SGMS1: variants seen among roughly 807,000 people sequenced by gnomAD.
The protein encoded by SGMS1 is phosphatidylcholine:ceramide cholinephosphotransferase 1.
A neutral mutation model predicts 46.2 loss-of-function variants in SGMS1; 13 were observed. The observed-to-expected ratio is 0.28, with a 90% CI of 0.18 to 0.45. The LOEUF (loss-of-function observed/expected upper bound fraction) is 0.45, where lower values mean the gene tolerates loss of function less well. SGMS1 is among the 20% of genes least tolerant of loss of function. The probability of loss-of-function intolerance (pLI) is 1.00; values close to 1 mark genes in which losing one functional copy is unlikely to be tolerated. For synonymous variants in SGMS1, 203 were observed against 187.8 expected (o/e 1.08, Z -0.66); for missense variants, 324 against 519.9 (o/e 0.62, Z 3.66).
chr10:50,362,688 T>C (rs1335441364), intron 6 of SGMS1, among the ~76,000 whole-genome samples: 1 of 152,156 alleles, frequency 6.6e-6, no homozygotes, highest in African/African-American at 2.4e-5. Context: ...TGAGGGAGAT[T>C]TGCCAGGTGT....
At position 50,554,395 on chromosome 10, in the gene SGMS1, C is replaced by T. The variant is rs541438661; in HGVS notation, c.-588-34474G>A. 7.2e-5 allele frequency among the ~76,000 whole-genome samples: 11 copies of T among 152,216 alleles called. 1 individual carries two copies. Among genetic ancestry groups the T allele is most frequent in the South Asian group, 2.1e-4 (1 of 4,810 alleles). On this transcript the variant is annotated intron_variant, in intron 2 of 10. Coordinates refer to ENST00000361781, the MANE Select transcript of SGMS1 (RefSeq NM_147156.4). ...AGCCTAAGCAAATGAAAAATTTAAA[C>T]GTTAGTGATTTTTAAGAAGCACAAC...
intron 6 of SGMS1, among the ~76,000 whole-genome samples, chr10:50,371,594 A>G (rs1181307428): frequency 6.6e-6 from 1 of 152,186 alleles, no homozygotes; most frequent in Non-Finnish European, 1.5e-5. Context: ...CCTACCTCAC[A>G]GACTTTGAAC....
chr10:50,389,179 T>G (rs978816404), intron 6 of SGMS1, among the ~76,000 whole-genome samples: 1 of 152,076 alleles, frequency 6.6e-6, no homozygotes, highest in Non-Finnish European at 1.5e-5. Flanking sequence ...ATACTATGGG[T>G]AGAGGTCAAA....
At chr10:50,588,152 G>A (rs188718766) in intron 2 of SGMS1, among the ~76,000 whole-genome samples, 8 of 152,216 alleles carry the variant, frequency 5.3e-5, no homozygotes, top group Admixed American at 3.9e-4. Flanking sequence ...TGAGCTACCC[G>A]TGATTCCAGA....
At chr10:50,391,412 T>C (rs749359404) in intron 6 of SGMS1, among the ~76,000 whole-genome samples, 7 of 152,124 alleles carry the variant, frequency 4.6e-5, no homozygotes, top group African/African-American at 1.4e-4. Flanking sequence ...AATAAGCATA[T>C]GGAAAAATGC....
At chr10:50,483,137 T>A (rs1188571410) in intron 3 of SGMS1, among the ~76,000 whole-genome samples, 1 of 152,200 alleles carries the variant, frequency 6.6e-6, no homozygotes, top group African/African-American at 2.4e-5. Flanking sequence ...TGGAGTGCAG[T>A]GGCATGATCT....
intron 6 of SGMS1, among the ~76,000 whole-genome samples, chr10:50,368,645 T>C (rs1047300056): frequency 3.3e-5 from 5 of 152,232 alleles, no homozygotes; most frequent in African/African-American, 9.6e-5. Context: ...CGTGAGCCAC[T>C]GCACCCAGCC....
chr10:50,395,691 T>C (rs72801753), intron 6 of SGMS1, among the ~76,000 whole-genome samples: 20,925 of 152,174 alleles, frequency 0.14, 1,555 homozygotes, highest in Middle Eastern at 0.22. Flanking sequence ...TTAGAGGTGG[T>C]TGAGACAACT....
rs1269325833 is a variant in SGMS1 at position 50,378,499 on chromosome 10, T to G, written c.-231-34154A>C. Among the ~76,000 whole-genome samples, 4 of 152,350 alleles carry G rather than the reference T, an allele frequency of 2.6e-5. No homozygotes were observed. The East Asian group carries it at 5.8e-4, about 22-fold the overall frequency. On this transcript the variant is annotated intron_variant, in intron 6 of 10. Coordinates refer to ENST00000361781, the MANE Select transcript of SGMS1 (RefSeq NM_147156.4). ...GACAAATGAGTCCTAAAGTCTGTCC[T>G]AGGCAAAGTTTCTTCATTCACAGCC...
At chr10:50,384,110 C>A (rs1848647069) in intron 6 of SGMS1, among the ~76,000 whole-genome samples, 1 of 152,148 alleles carries the variant, frequency 6.6e-6, no homozygotes, top group South Asian at 2.1e-4. Flanking sequence ...GCCTCCAGAA[C>A]TCTGAGAAAC....
At chr10:50,462,896 A>C (rs1424410186) in intron 4 of SGMS1, among the ~76,000 whole-genome samples, 1 of 152,114 alleles carries the variant, frequency 6.6e-6, no homozygotes, top group Non-Finnish European at 1.5e-5. Context: ...CTGTGACAGA[A>C]ATGCTTAGGA....
chr10:50,526,794 C>T (rs935323251), intron 2 of SGMS1, among the ~76,000 whole-genome samples: 9 of 152,098 alleles, frequency 5.9e-5, no homozygotes, highest in African/African-American at 1.7e-4. Context: ...TGGCCGGGCA[C>T]GGTGGCTCAC....
At chr10:50,437,372 G>A (rs1849488324) in intron 5 of SGMS1, among the ~76,000 whole-genome samples, 2 of 152,194 alleles carry the variant, frequency 1.3e-5, no homozygotes, top group African/African-American at 4.8e-5. Flanking sequence ...TTGGCCAGTG[G>A]AAAATTCAGA....
intron 3 of SGMS1, among the ~76,000 whole-genome samples, chr10:50,490,515 C>G (rs945195891): frequency 1.3e-5 from 2 of 152,174 alleles, no homozygotes; most frequent in Non-Finnish European, 2.9e-5. Flanking sequence ...ACTGAAGAAT[C>G]TCGATTTCAC....
chr10:50,424,876 C>T (rs1228831245), intron 6 of SGMS1, among the ~76,000 whole-genome samples: 3 of 146,024 alleles, frequency 2.1e-5, no homozygotes, highest in African/African-American at 7.6e-5. Context: ...TGCGCCATTG[C>T]ACTCCAGCCT....
At chr10:50,372,038 T>C (rs534993258) in intron 6 of SGMS1, among the ~76,000 whole-genome samples, 1 of 152,226 alleles carries the variant, frequency 6.6e-6, no homozygotes, top group African/African-American at 2.4e-5. Flanking sequence ...CACTCTTATC[T>C]ATATAATCTT....
Position 50,518,371 on chromosome 10 carries a change from T to A in SGMS1, c.-498+1460A>T, listed in dbSNP as rs187853390. Among the ~76,000 whole-genome samples the A allele has an allele frequency of 4.6e-5, 7 of 152,270 alleles. No homozygotes were observed. In the East Asian group the frequency reaches 1.4e-3, roughly 29 times the overall value. Reference sequence around the variant, plus strand: ...AATAAGAATATAAACCAACAAGAAGTTCAACTCAAAAGAAAAGGAAAAACA... The same window carrying A: ...AATAAGAATATAAACCAACAAGAAGATCAACTCAAAAGAAAAGGAAAAACA... On this transcript the variant is annotated intron_variant, in intron 3 of 10. Transcript: ENST00000361781.
intron 8 of SGMS1, among the ~76,000 whole-genome samples, chr10:50,314,237 G>GA (rs373602612): frequency 2.6e-5 from 4 of 151,920 alleles, no homozygotes; most frequent in African/African-American, 9.7e-5. Flanking sequence ...AAGCTTAAAA[G>GA]AAAAAAGAGT....
intron 4 of SGMS1, among the ~76,000 whole-genome samples, chr10:50,463,353 A>C (rs148022300): frequency 2.6e-5 from 4 of 152,362 alleles, no homozygotes; most frequent in Non-Finnish European, 5.9e-5. Flanking sequence ...AAAAATTGGC[A>C]AAGGACTTGA....
Sources: allele counts gnomAD v4.1 joint callset (sites outside exome capture counted in the v4.1 genomes callset), GRCh38; gene constraint gnomAD v4.1.1; transcripts MANE v1.5; gene names NCBI Gene and HGNC (gene_info 2026-07-23, HGNC 2026-07-21).